Variants in RGS20 observed in about 807,000 individuals in gnomAD.
The protein encoded by RGS20 is gz-selective GTPase-activating protein.
Under a neutral mutation model 33.6 loss-of-function variants are expected in RGS20, and 30 were observed. That is an observed-to-expected ratio of 0.89 (90% CI 0.67 to 1.21). The LOEUF (loss-of-function observed/expected upper bound fraction) is 1.21. Among genes scored for constraint, RGS20 ranks in the 50% most tolerant of loss-of-function variants. The probability of loss-of-function intolerance (pLI) is 0.00; values close to 1 mark genes in which losing one functional copy is unlikely to be tolerated. For missense variants in RGS20, 472 were observed against 502.4 expected (o/e 0.94, Z 0.58); for synonymous variants, 208 against 197.9 (o/e 1.05, Z -0.43).
At chr8:53,897,896 T>A (rs1245048883) in intron 2 of RGS20, among the ~76,000 whole-genome samples, 1 of 152,198 alleles carries the variant, frequency 6.6e-6, no homozygotes, top group African/African-American at 2.4e-5. Context: ...AAAAGCTTGG[T>A]AGGTCAGTCC....
intron 5 of RGS20, 100 bp from the exon 5 acceptor site, chr8:53,958,170 A>G: frequency 3.3e-6 from 3 of 907,634 alleles, no homozygotes; most frequent in Non-Finnish European, 4.7e-6. Flanking sequence ...CCAAAAACAA[A>G]AAACAAAAAC....
chr8:53,908,011 TGTGAGGCAG>T (rs1480724008), intron 2 of RGS20, among the ~76,000 whole-genome samples: 12 of 152,098 alleles, frequency 7.9e-5, no homozygotes, highest in African/African-American at 2.9e-4. Context: ...TCAATGAAGT[TGTGAGGCAG>T]GTGATGAAAG....
intron 3 of RGS20, among the ~76,000 whole-genome samples, chr8:53,940,637 T>G (rs1814262807): frequency 6.6e-6 from 1 of 152,188 alleles, no homozygotes; most frequent in South Asian, 2.1e-4. Flanking sequence ...CAACTCAGGC[T>G]AGTATTCATT....
intron 2 of RGS20, among the ~76,000 whole-genome samples, chr8:53,898,284 C>T (rs970684758): frequency 1.3e-5 from 2 of 152,116 alleles, no homozygotes; most frequent in African/African-American, 4.8e-5. Context: ...CAGATGTTAC[C>T]CAGACCACTG....
intron 2 of RGS20, among the ~76,000 whole-genome samples, chr8:53,925,873 A>G (rs1387886877): frequency 6.6e-6 from 1 of 152,126 alleles, no homozygotes; most frequent in Non-Finnish European, 1.5e-5. Flanking sequence ...GGGAGCCATG[A>G]TCTACCCAGC....
intron 2 of RGS20, among the ~76,000 whole-genome samples, chr8:53,938,186 T>C (rs1585941227): frequency 1.3e-5 from 2 of 152,282 alleles, no homozygotes; most frequent in Admixed American, 6.5e-5. Flanking sequence ...ATATACACCA[T>C]GGAATTCTAT....
intron 2 of RGS20, among the ~76,000 whole-genome samples, chr8:53,921,605 A>G (rs1265416539): frequency 6.6e-6 from 1 of 151,452 alleles, no homozygotes; most frequent in African/African-American, 2.4e-5. Context: ...GATTTTTTCC[A>G]TTTCATCTAA....
chr8:53,857,951 A>G (rs1248118901), intron 1 of RGS20, among the ~76,000 whole-genome samples: 1 of 152,236 alleles, frequency 6.6e-6, no homozygotes, highest in Non-Finnish European at 1.5e-5. Flanking sequence ...TAAGGTTTCT[A>G]CCATGTATAC....
At chr8:53,925,665 G>T (rs1242249480) in intron 2 of RGS20, among the ~76,000 whole-genome samples, 3 of 152,032 alleles carry the variant, frequency 2.0e-5, no homozygotes, top group Non-Finnish European at 4.4e-5. Flanking sequence ...AATCCGGGAG[G>T]TGGAGGTGCC....
intron 2 of RGS20, among the ~76,000 whole-genome samples, chr8:53,890,907 T>A (rs1335049055): frequency 1.3e-5 from 2 of 152,236 alleles, no homozygotes; most frequent in Non-Finnish European, 2.9e-5. Flanking sequence ...CTTGGGAATT[T>A]TCTCTTGGAT....
intron 2 of RGS20, among the ~76,000 whole-genome samples, chr8:53,906,305 G>T (rs1384135255): frequency 6.6e-6 from 1 of 152,104 alleles, no homozygotes; most frequent in Non-Finnish European, 1.5e-5. Flanking sequence ...GAACCCGGGA[G>T]GTGGAGGTTG....
intron 2 of RGS20, among the ~76,000 whole-genome samples, chr8:53,938,592 G>A (rs754130401): frequency 6.6e-6 from 1 of 152,060 alleles, no homozygotes; most frequent in Non-Finnish European, 1.5e-5. Flanking sequence ...GCAGTATAGA[G>A]AATTAGGTAA....
chr8:53,954,083 C>G lies in RGS20; in HGVS notation c.751C>G (p.Pro251Ala). The G allele has an allele frequency of 6.2e-7, 1 of 1,613,444 alleles. No homozygotes were observed. The highest frequency in any genetic ancestry group is 1.1e-5 in the South Asian group (1 of 91,014). The change falls in exon 5 of 6, where the codon CCT (proline) becomes GCT (alanine). Residue 251 changes from proline to alanine, a missense_variant. This residue lies in a region of RGS20 where 125 missense variants were observed against 169.5 expected (regional missense o/e 0.74). Transcript: ENST00000297313. ...CTTTTGGTCTCCACGAAGCCCTGCT[C>G]CTACTCTGGAAGAAGTCAACGCCTG...
intron 2 of RGS20, among the ~76,000 whole-genome samples, chr8:53,896,172 A>C (rs1369674900): frequency 6.6e-6 from 1 of 152,160 alleles, no homozygotes; most frequent in African/African-American, 2.4e-5. Context: ...CCTGCTACTC[A>C]GGAGGCTGAT....
At chr8:53,940,202 A>C (rs1457913299) in intron 3 of RGS20, among the ~76,000 whole-genome samples, 1 of 152,234 alleles carries the variant, frequency 6.6e-6, no homozygotes, top group Non-Finnish European at 1.5e-5. Flanking sequence ...AAGAGAGAGA[A>C]ATATTAAAAT....
intron 1 of RGS20, among the ~76,000 whole-genome samples, chr8:53,874,065 T>C (rs988134816): frequency 3.9e-5 from 6 of 152,080 alleles, no homozygotes; most frequent in Admixed American, 3.3e-4. Flanking sequence ...TTGGGCGTCA[T>C]GGCACACACC....
intron 1 of RGS20, among the ~76,000 whole-genome samples, chr8:53,869,605 T>G (rs4518622): frequency 0.15 from 23,288 of 151,978 alleles, 3,930 homozygotes; most frequent in African/African-American, 0.4. Context: ...GAACCTGGGA[T>G]TTGGAGGTTG....
At chr8:53,911,784 C>A (rs961421763) in intron 2 of RGS20, among the ~76,000 whole-genome samples, 2 of 151,808 alleles carry the variant, frequency 1.3e-5, no homozygotes, top group African/African-American at 4.8e-5. Context: ...ACTAAAAATA[C>A]AAAAAAATTA....
At chr8:53,896,992 G>A (rs1812882261) in intron 2 of RGS20, among the ~76,000 whole-genome samples, 1 of 152,190 alleles carries the variant, frequency 6.6e-6, no homozygotes, top group Non-Finnish European at 1.5e-5. Flanking sequence ...AGTTTGAGGA[G>A]CCAATGCTAC....
Sources: allele counts gnomAD v4.1 joint callset (sites outside exome capture counted in the v4.1 genomes callset), GRCh38; gene constraint gnomAD v4.1.1; regional missense constraint gnomAD v4.1.1; transcripts MANE v1.5; gene names NCBI Gene and HGNC (gene_info 2026-07-23, HGNC 2026-07-21).